TBC1D22A: variants seen among roughly 807,000 people sequenced by gnomAD.
TBC1D22A encodes putative GTPase activator.
In TBC1D22A, 38 loss-of-function variants were observed where a neutral mutation model predicts 60.2. The observed-to-expected ratio is 0.63, with a 90% CI of 0.49 to 0.83. The LOEUF (loss-of-function observed/expected upper bound fraction) is 0.83. Among genes scored for constraint, TBC1D22A ranks in the 40% least tolerant of loss-of-function variants. TBC1D22A has a pLI of 0.00. For synonymous variants in TBC1D22A, 302 were observed against 281.7 expected (o/e 1.07, Z -0.72); for missense variants, 628 against 701.0 (o/e 0.90, Z 1.18).
chr22:46,762,879 T>A, intron 1 of TBC1D22A, 31 bp downstream of exon 1: 1 of 1,470,972 alleles, frequency 6.8e-7, no homozygotes, highest in African/African-American at 1.5e-5. Flanking sequence ...CAGGTCGGGG[T>A]CAGGGGTCAG....
At chr22:46,787,077 T>C (rs1169402575) in intron 1 of TBC1D22A, among the ~76,000 whole-genome samples, 1 of 152,240 alleles carries the variant, frequency 6.6e-6, no homozygotes, top group East Asian at 1.9e-4. Context: ...TCTGGGAATT[T>C]GCGCATTGTA....
intron 5 of TBC1D22A, among the ~76,000 whole-genome samples, chr22:46,880,796 A>G (rs2067812542): frequency 6.6e-6 from 1 of 152,120 alleles, no homozygotes; most frequent in African/African-American, 2.4e-5. Flanking sequence ...GAGGGTGTGG[A>G]GACTTGCAGT....
At chr22:46,792,463 A>G in intron 1 of TBC1D22A, 57 bp from the exon 2 acceptor site, 1 of 1,610,928 alleles carries the variant, frequency 6.2e-7, no homozygotes, top group Non-Finnish European at 8.5e-7. Context: ...GAGCTGGTGG[A>G]GGGCTCTTGG....
chr22:46,909,291 C>CACAT (rs369964797), intron 7 of TBC1D22A, among the ~76,000 whole-genome samples: 3,042 of 135,476 alleles, frequency 0.022, 97 homozygotes, highest in African/African-American at 0.077. Context: ...TCTTCCTATA[C>CACAT]ACATACACAC....
intron 4 of TBC1D22A, among the ~76,000 whole-genome samples, chr22:46,861,204 G>T (rs879485936): frequency 3.9e-5 from 6 of 152,062 alleles, no homozygotes; most frequent in Non-Finnish European, 8.8e-5. Flanking sequence ...GTGATCCACC[G>T]TGCCTCGGCT....
At chr22:47,153,661 G>A (rs1243592361) in intron 12 of TBC1D22A, among the ~76,000 whole-genome samples, 4 of 152,188 alleles carry the variant, frequency 2.6e-5, no homozygotes, top group Admixed American at 1.3e-4. Context: ...AAGCAGGTGC[G>A]TTTGCAGGAT....
At chr22:47,160,885 G>A (rs2067953371) in intron 12 of TBC1D22A, among the ~76,000 whole-genome samples, 2 of 152,166 alleles carry the variant, frequency 1.3e-5, no homozygotes, top group Non-Finnish European at 2.9e-5. Context: ...CAGGCGCTGT[G>A]GAGCCCAGCA....
At chr22:47,069,497 C>T (rs1569415646) in intron 11 of TBC1D22A, among the ~76,000 whole-genome samples, 2 of 152,152 alleles carry the variant, frequency 1.3e-5, no homozygotes, top group East Asian at 1.9e-4. Flanking sequence ...GATGGACGAA[C>T]GTGAGTCTTG....
At chr22:46,800,151 C>T (rs2084833343) in intron 4 of TBC1D22A, among the ~76,000 whole-genome samples, 1 of 152,180 alleles carries the variant, frequency 6.6e-6, no homozygotes, top group South Asian at 2.1e-4. Context: ...TTGACTGCAC[C>T]AGCCCCTGCG....
At chr22:47,062,300 T>A (rs953018015) in intron 11 of TBC1D22A, among the ~76,000 whole-genome samples, 1 of 152,030 alleles carries the variant, frequency 6.6e-6, no homozygotes, top group African/African-American at 2.4e-5. Context: ...CCCGGCAGTC[T>A]GTGTGCTCCT....
chr22:47,091,396 G>C (rs1343756203), intron 11 of TBC1D22A, among the ~76,000 whole-genome samples: 1 of 146,690 alleles, frequency 6.8e-6, no homozygotes, highest in Non-Finnish European at 1.5e-5. Flanking sequence ...ACAGGCACGA[G>C]AAGTCGTCTT....
intron 11 of TBC1D22A, among the ~76,000 whole-genome samples, chr22:47,081,935 A>G (rs911779463): frequency 3.9e-5 from 6 of 152,190 alleles, no homozygotes; most frequent in African/African-American, 1.4e-4. Context: ...AGGCGGGTGG[A>G]TCACCTGAGG....
At chr22:46,764,615 T>A (rs1006839411) in intron 1 of TBC1D22A, among the ~76,000 whole-genome samples, 1 of 152,160 alleles carries the variant, frequency 6.6e-6, no homozygotes, top group Non-Finnish European at 1.5e-5. Flanking sequence ...AAATAGGGTT[T>A]TTGCACAAGT....
At chr22:47,064,787 C>T (rs5769346) in intron 11 of TBC1D22A, among the ~76,000 whole-genome samples, 71,695 of 152,078 alleles carry the variant, frequency 0.47, 17,613 homozygotes, top group East Asian at 0.59. Context: ...TGGCCCATTA[C>T]GGTGTCAGGA....
intron 8 of TBC1D22A, chr22:46,915,746 G>A (rs770751990): frequency 6.6e-5 from 30 of 456,500 alleles, no homozygotes; most frequent in East Asian, 2.8e-4. Flanking sequence ...ATGTGTGTTC[G>A]CCATGTGTCC....
intron 10 of TBC1D22A, among the ~76,000 whole-genome samples, chr22:47,015,588 G>A (rs1377023369): frequency 1.3e-5 from 2 of 152,144 alleles, no homozygotes; most frequent in Admixed American, 6.5e-5. Context: ...CTTGTCTTGC[G>A]ACCACACACA....
intron 11 of TBC1D22A, among the ~76,000 whole-genome samples, chr22:47,062,087 C>CAACAAAA (rs2063598215): frequency 1.6e-5 from 1 of 62,998 alleles, no homozygotes; most frequent in Non-Finnish European, 2.7e-5. Flanking sequence ...GACTCCATCT[C>CAACAAAA]AAAAAAAAAA....
At chr22:46,983,778 A>T (rs1451383456) in intron 9 of TBC1D22A, among the ~76,000 whole-genome samples, 1 of 151,722 alleles carries the variant, frequency 6.6e-6, no homozygotes, top group African/African-American at 2.4e-5. Flanking sequence ...AAAAAAAAAT[A>T]ATTTGGTGGG....
At chr22:47,039,704 G>GAAAAAAAAAAAAAAAAA in intron 11 of TBC1D22A, among the ~76,000 whole-genome samples, 1 of 81,458 alleles carries the variant, frequency 1.2e-5, no homozygotes, top group Non-Finnish European at 2.2e-5. Context: ...TGCATTTCAG[G>GAAAAAAAAAAAAAAAAA]AAAAAAAAAA....
Sources: gnomAD v4.1 joint callset for allele counts (sites outside exome capture counted in the v4.1 genomes callset) on GRCh38, gnomAD v4.1.1 for gene constraint, MANE v1.5 for transcripts, NCBI Gene and HGNC (gene_info 2026-07-23, HGNC 2026-07-21) for gene names.